GNAQ: variants seen among roughly 807,000 people sequenced by gnomAD.
GNAQ encodes G protein subunit alpha q, also known as guanine nucleotide-binding protein G(q) subunit alpha.
In GNAQ, 8 loss-of-function variants were observed where a neutral mutation model predicts 43.9. That is an observed-to-expected ratio of 0.18 (90% confidence interval 0.11 to 0.33). The LOEUF (loss-of-function observed/expected upper bound fraction) is 0.33. Among genes scored for constraint, GNAQ ranks in the 10% least tolerant of loss-of-function variants. The pLI is 1.00. For missense variants in GNAQ, 158 were observed against 450.8 expected (o/e 0.35, Z 5.88); for synonymous variants, 155 against 170.7 (o/e 0.91, Z 0.71).
intron 2 of GNAQ, among the ~76,000 whole-genome samples, chr9:77,914,799 C>A (rs1279544508): frequency 6.8e-6 from 1 of 147,168 alleles, no homozygotes; most frequent in Non-Finnish European, 1.5e-5. Context: ...CCCACAAAAA[C>A]CTTCATCTGA....
chr9:77,962,159 C>T (rs558260038), intron 1 of GNAQ, among the ~76,000 whole-genome samples: 9 of 151,944 alleles, frequency 5.9e-5, no homozygotes, highest in African/African-American at 2.2e-4. Flanking sequence ...CAGAAAAAAA[C>T]GAGCAGTCTC....
chr9:77,887,863 C>T (rs1009882446), intron 2 of GNAQ, among the ~76,000 whole-genome samples: 1 of 152,198 alleles, frequency 6.6e-6, no homozygotes, highest in Non-Finnish European at 1.5e-5. Flanking sequence ...TTTGTCCACA[C>T]CCTTTCAATA....
chr9:77,760,974 C>T (rs1453826281), intron 5 of GNAQ, among the ~76,000 whole-genome samples: 2 of 151,658 alleles, frequency 1.3e-5, no homozygotes, highest in Admixed American at 6.6e-5. Context: ...CGCCTGGCAA[C>T]CGCCCCGTCT....
chr9:77,856,438 T>G (rs1269048619), intron 2 of GNAQ, among the ~76,000 whole-genome samples: 3 of 152,188 alleles, frequency 2.0e-5, no homozygotes, highest in Admixed American at 2.0e-4. Flanking sequence ...CTATTACACA[T>G]GGATTAACTC....
chr9:78,014,070 A>G (rs1823807498), intron 1 of GNAQ, among the ~76,000 whole-genome samples: 1 of 152,228 alleles, frequency 6.6e-6, no homozygotes, highest in Non-Finnish European at 1.5e-5. Flanking sequence ...GGCTACCAAC[A>G]GTAAAATTAA....
chr9:77,958,250 G>T (rs1490698884), intron 1 of GNAQ, among the ~76,000 whole-genome samples: 2 of 152,038 alleles, frequency 1.3e-5, no homozygotes, highest in Non-Finnish European at 2.9e-5. Flanking sequence ...TCAAGGACTG[G>T]AACTTAAAAC....
intron 1 of GNAQ, among the ~76,000 whole-genome samples, chr9:78,015,619 A>T (rs1330442063): frequency 6.6e-6 from 1 of 152,204 alleles, no homozygotes; most frequent in Non-Finnish European, 1.5e-5. Context: ...ACAAAAATTG[A>T]CTATATATAT....
At chr9:77,958,993 A>C (rs1823075234) in intron 1 of GNAQ, among the ~76,000 whole-genome samples, 1 of 152,224 alleles carries the variant, frequency 6.6e-6, no homozygotes, top group Non-Finnish European at 1.5e-5. Context: ...GAGATAAAGA[A>C]AGAAATGAGC....
At chr9:77,869,228 G>A (rs1390282694) in intron 2 of GNAQ, among the ~76,000 whole-genome samples, 1 of 152,068 alleles carries the variant, frequency 6.6e-6, no homozygotes, top group Non-Finnish European at 1.5e-5. Context: ...GGGAAATTTA[G>A]CTGTCTAATT....
intron 2 of GNAQ, among the ~76,000 whole-genome samples, chr9:77,913,118 G>T (rs551655629): frequency 6.6e-6 from 1 of 152,222 alleles, no homozygotes; most frequent in Admixed American, 6.5e-5. Flanking sequence ...AAACTCATTG[G>T]CAGTATCTAC....
intron 5 of GNAQ, among the ~76,000 whole-genome samples, chr9:77,730,893 T>TA (rs1049566413): frequency 3.9e-5 from 6 of 151,902 alleles, no homozygotes; most frequent in South Asian, 4.2e-4. Flanking sequence ...CTGAAATAAT[T>TA]AAAAAAAAAT....
intron 2 of GNAQ, among the ~76,000 whole-genome samples, chr9:77,904,144 G>C (rs1272571022): frequency 6.6e-6 from 1 of 152,034 alleles, no homozygotes; most frequent in Non-Finnish European, 1.5e-5. Flanking sequence ...CAAGTGTGTG[G>C]AAGATTAATG....
At chr9:77,925,923 A>G (rs567051850) in intron 1 of GNAQ, among the ~76,000 whole-genome samples, 1 of 152,306 alleles carries the variant, frequency 6.6e-6, no homozygotes, top group African/African-American at 2.4e-5. Context: ...ACTTTAAAAC[A>G]TCTCTAAATT....
intron 2 of GNAQ, among the ~76,000 whole-genome samples, chr9:77,909,178 T>C (rs1408259911): frequency 6.6e-6 from 1 of 152,134 alleles, no homozygotes; most frequent in Non-Finnish European, 1.5e-5. Flanking sequence ...AAGCATATGG[T>C]ATTGATTATT....
At chr9:77,925,246 G>A (rs1021433336) in intron 1 of GNAQ, among the ~76,000 whole-genome samples, 7 of 152,118 alleles carry the variant, frequency 4.6e-5, no homozygotes, top group African/African-American at 1.7e-4. Flanking sequence ...CCAATCAAAT[G>A]AAGGACAAGG....
chr9:77,936,711 C>T (rs1829237876), intron 1 of GNAQ, among the ~76,000 whole-genome samples: 1 of 152,182 alleles, frequency 6.6e-6, no homozygotes, highest in African/African-American at 2.4e-5. Context: ...ACCCATACCC[C>T]CGCACTCACA....
chr9:77,929,034 T>C (rs1002844859), intron 1 of GNAQ, among the ~76,000 whole-genome samples: 3 of 152,142 alleles, frequency 2.0e-5, no homozygotes, highest in African/African-American at 7.2e-5. Flanking sequence ...TAAATAAAAA[T>C]AAAATGGTAA....
chr9:77,841,185 G>C (rs1827484518), intron 2 of GNAQ, among the ~76,000 whole-genome samples: 2 of 152,074 alleles, frequency 1.3e-5, no homozygotes, highest in African/African-American at 4.8e-5. Flanking sequence ...CCCCATGGGA[G>C]TTTATGCTTA....
chr9:77,921,014 T>TTGGAAAA lies in GNAQ; in HGVS notation c.321+1140_321+1146dup, dbSNP rs1828988424. Among the ~76,000 whole-genome samples, 3 of 152,340 alleles carry TTGGAAAA rather than the reference T, an allele frequency of 2.0e-5. No homozygotes were observed. In the South Asian group the frequency reaches 6.2e-4, roughly 32 times the overall value. On this transcript the variant is annotated intron_variant, in intron 2 of 6. Transcript: ENST00000286548. Reference sequence around the variant, plus strand: ...AACTTCTTGCTATTGCTTACTGATCTTGGAAAATGGAAATATCCTTCACAG... The same window carrying TTGGAAAA: ...AACTTCTTGCTATTGCTTACTGATCTTGGAAAATGGAAAATGGAAATATCCTTCACAG...
Sources: allele counts gnomAD v4.1 joint callset (sites outside exome capture counted in the v4.1 genomes callset), GRCh38; gene constraint gnomAD v4.1.1; transcripts MANE v1.5; gene names NCBI Gene and HGNC (gene_info 2026-07-23, HGNC 2026-07-21).